CEP112: variants seen among roughly 807,000 people sequenced by gnomAD.
The protein encoded by CEP112 is centrosomal protein 112.
CEP112 carries 127 observed loss-of-function variants against 153.0 expected under a neutral mutation model. The ratio of observed to expected loss-of-function variants is 0.83; its 90% confidence interval spans 0.72 to 0.96. CEP112 has a LOEUF of 0.96. Among genes scored for constraint, CEP112 ranks in the 40% least tolerant of loss-of-function variants. The probability of loss-of-function intolerance (pLI) is 0.00; values close to 1 mark genes in which losing one functional copy is unlikely to be tolerated. For synonymous variants in CEP112, 358 were observed against 374.4 expected (o/e 0.96, Z 0.51); for missense variants, 1,089 against 1,101.2 (o/e 0.99, Z 0.16).
chr17:65,779,028 G>A (rs571115716), intron 21 of CEP112, among the ~76,000 whole-genome samples: 135 of 151,718 alleles, frequency 8.9e-4, no homozygotes, highest in Non-Finnish European at 3.5e-4. Flanking sequence ...TTTTTGTCTT[G>A]GTAAACAATT....
At chr17:66,070,508 C>T (rs948554678) in intron 8 of CEP112, among the ~76,000 whole-genome samples, 4 of 151,890 alleles carry the variant, frequency 2.6e-5, no homozygotes, top group Admixed American at 6.6e-5. Flanking sequence ...GCATATCTTT[C>T]GACAGTTTTT....
At chr17:66,034,792 T>A (rs2065641783) in intron 12 of CEP112, among the ~76,000 whole-genome samples, 1 of 151,172 alleles carries the variant, frequency 6.6e-6, no homozygotes, top group African/African-American at 2.4e-5. Context: ...GAACTTGAAT[T>A]TTTTTTGTTT....
At chr17:66,049,318 C>T (rs1002563694) in intron 12 of CEP112, among the ~76,000 whole-genome samples, 1 of 152,122 alleles carries the variant, frequency 6.6e-6, no homozygotes, top group Non-Finnish European at 1.5e-5. Flanking sequence ...AGAAAGTCAG[C>T]AGTACTTGCA....
chr17:65,995,595 T>C (rs1270069209), intron 17 of CEP112, among the ~76,000 whole-genome samples: 2 of 152,142 alleles, frequency 1.3e-5, no homozygotes, highest in Non-Finnish European at 2.9e-5. Context: ...GCTTATTCAG[T>C]CCTCGGAGCA....
chr17:66,188,144 G>A (rs1261007336), intron 1 of CEP112, among the ~76,000 whole-genome samples: 1 of 152,004 alleles, frequency 6.6e-6, no homozygotes, highest in Non-Finnish European at 1.5e-5. Flanking sequence ...GCTCCAGAAT[G>A]AGTTTCCTAA....
chr17:65,830,407 G>A (rs539023094), intron 21 of CEP112, among the ~76,000 whole-genome samples: 1 of 152,192 alleles, frequency 6.6e-6, no homozygotes. Context: ...GTAAGAGGTT[G>A]TAGACATTAG....
intron 17 of CEP112, among the ~76,000 whole-genome samples, chr17:65,986,423 T>C (rs933025451): frequency 6.6e-6 from 1 of 152,174 alleles, no homozygotes; most frequent in African/African-American, 2.4e-5. Flanking sequence ...AATCAAAATA[T>C]TTACTATGTG....
At chr17:65,997,654 T>C (rs1321632711) in intron 17 of CEP112, among the ~76,000 whole-genome samples, 1 of 152,208 alleles carries the variant, frequency 6.6e-6, no homozygotes, top group Non-Finnish European at 1.5e-5. Context: ...TGTTTTATTA[T>C]AATTTTTCCT....
intron 17 of CEP112, among the ~76,000 whole-genome samples, chr17:65,991,275 T>C (rs181692802): frequency 1.1e-4 from 16 of 152,332 alleles, no homozygotes; most frequent in Non-Finnish European, 2.1e-4. Context: ...GTTGATTTCA[T>C]ACATGTCAAA....
intron 21 of CEP112, among the ~76,000 whole-genome samples, chr17:65,835,606 T>C (rs1044428493): frequency 1.3e-5 from 2 of 152,056 alleles, no homozygotes; most frequent in East Asian, 1.9e-4. Context: ...TAAGAATACA[T>C]ACCCAACTTC....
At chr17:65,808,599 TAGTG>T (rs2055757615) in intron 21 of CEP112, among the ~76,000 whole-genome samples, 1 of 152,090 alleles carries the variant, frequency 6.6e-6, no homozygotes, top group Non-Finnish European at 1.5e-5. Flanking sequence ...GTTCTTGTGA[TAGTG>T]AGTTCTCATG....
At chr17:66,113,744 T>C (rs188561751) in intron 6 of CEP112, among the ~76,000 whole-genome samples, 22 of 152,234 alleles carry the variant, frequency 1.4e-4, no homozygotes, top group African/African-American at 2.7e-4. Context: ...CAGTGAATTA[T>C]GTTGTTATTC....
At chr17:66,025,222 C>A (rs2065152295) in intron 16 of CEP112, among the ~76,000 whole-genome samples, 1 of 151,940 alleles carries the variant, frequency 6.6e-6, no homozygotes, top group Non-Finnish European at 1.5e-5. Context: ...GGACATTGGT[C>A]TAATCAAAGA....
At chr17:65,791,947 T>C (rs2054613021) in intron 21 of CEP112, among the ~76,000 whole-genome samples, 1 of 152,238 alleles carries the variant, frequency 6.6e-6, no homozygotes, top group African/African-American at 2.4e-5. Flanking sequence ...CTAATTCAAG[T>C]CATGCAGCTA....
chr17:65,898,647 A>G (rs748967973), intron 20 of CEP112, among the ~76,000 whole-genome samples: 19 of 152,054 alleles, frequency 1.2e-4, no homozygotes, highest in Non-Finnish European at 2.2e-4. Flanking sequence ...TGCAAGAGCC[A>G]CTGTACTATA....
intron 17 of CEP112, among the ~76,000 whole-genome samples, chr17:65,979,698 T>C (rs1054542838): frequency 6.6e-6 from 1 of 152,158 alleles, no homozygotes; most frequent in Non-Finnish European, 1.5e-5. Context: ...ACTTAAAACA[T>C]AACGATTCCA....
At chr17:66,086,513 C>T (rs923238076) in intron 8 of CEP112, among the ~76,000 whole-genome samples, 3 of 147,480 alleles carry the variant, frequency 2.0e-5, no homozygotes, top group Non-Finnish European at 1.5e-5. Flanking sequence ...ATGCCACTCT[C>T]CTGCCTCAGC....
intron 21 of CEP112, among the ~76,000 whole-genome samples, chr17:65,788,760 C>T (rs1210674187): frequency 1.3e-5 from 2 of 152,044 alleles, no homozygotes; most frequent in East Asian, 1.9e-4. Context: ...TGTCTTCTCC[C>T]TATTTTTCTG....
At chr17:66,000,287 T>C (rs1207868588) in intron 17 of CEP112, among the ~76,000 whole-genome samples, 1 of 151,794 alleles carries the variant, frequency 6.6e-6, no homozygotes, top group African/African-American at 2.4e-5. Context: ...TATCTCATTG[T>C]GGTTTTGATT....
Sources: allele counts gnomAD v4.1 joint callset (sites outside exome capture counted in the v4.1 genomes callset), GRCh38; gene constraint gnomAD v4.1.1; transcripts MANE v1.5; gene names NCBI Gene and HGNC (gene_info 2026-07-23, HGNC 2026-07-21).